The following NLK variants were observed in gnomAD, a reference collection of about 807,000 sequenced individuals.
NLK encodes serine/threonine-protein kinase NLK.
NLK carries 11 observed loss-of-function variants against 59.0 expected under a neutral mutation model. That is an observed-to-expected ratio of 0.19 (90% CI 0.12 to 0.31). The LOEUF is 0.31. Among genes scored for constraint, NLK ranks in the 10% least tolerant of loss-of-function variants. The pLI, the probability that NLK is intolerant of heterozygous loss-of-function variation, is 1.00. For missense variants in NLK, 410 were observed against 661.1 expected (o/e 0.62, Z 4.16); for synonymous variants, 235 against 235.9 (o/e 1.00, Z 0.03).
intron 1 of NLK, among the ~76,000 whole-genome samples, chr17:28,056,727 C>T (rs952355743): frequency 2.0e-5 from 3 of 152,004 alleles, no homozygotes; most frequent in Admixed American, 6.6e-5. Context: ...CATTCTTCCA[C>T]CTATTTTTTG....
chr17:28,149,151 C>A lies in NLK; in HGVS notation c.645-12009C>A, dbSNP rs1597710503. 2.6e-5 allele frequency among the ~76,000 whole-genome samples: 4 copies of A among 152,304 alleles called. No individual in the cohort carries two copies. In the South Asian group the frequency reaches 8.3e-4, roughly 32 times the overall value. On this transcript the variant is annotated intron_variant, in intron 3 of 10. Coordinates refer to ENST00000407008, the MANE Select transcript of NLK (RefSeq NM_016231.5). ...TCAGAGCTCACTGCAGCCTCGAACT[C>A]CTGGGCTTAAACTTAAAATCCTTTC...
intron 4 of NLK, among the ~76,000 whole-genome samples, chr17:28,161,948 C>T (rs1908021752): frequency 6.6e-6 from 1 of 152,052 alleles, no homozygotes; most frequent in African/African-American, 2.4e-5. Flanking sequence ...TTCCCCCTGC[C>T]CCAGAATTCA....
intron 2 of NLK, among the ~76,000 whole-genome samples, chr17:28,131,456 T>C (rs890455825): frequency 1.3e-5 from 2 of 151,854 alleles, no homozygotes; most frequent in Non-Finnish European, 2.9e-5. Flanking sequence ...TTGAGAATTA[T>C]ATAGGGAGAG....
At chr17:28,088,899 CTTCAAA>C (rs1183477583) in intron 1 of NLK, among the ~76,000 whole-genome samples, 1 of 152,148 alleles carries the variant, frequency 6.6e-6, no homozygotes, top group Non-Finnish European at 1.5e-5. Flanking sequence ...CATACTGATA[CTTCAAA>C]TTCAAATGAT....
chr17:28,197,633 T>C (rs528250017), downstream of NLK, among the ~76,000 whole-genome samples: 1 of 152,344 alleles, frequency 6.6e-6, no homozygotes, highest in South Asian at 2.1e-4. Context: ...GACAGGTAAG[T>C]TAGGGCTATA....
At chr17:28,205,624 G>C in the NLK span, among the ~76,000 whole-genome samples, 1 of 152,064 alleles carries the variant, frequency 6.6e-6, no homozygotes, top group Admixed American at 6.6e-5. Context: ...TTTCTTGATG[G>C]ATACTTTTGT....
At chr17:28,113,284 G>C (rs1905605056) in intron 1 of NLK, among the ~76,000 whole-genome samples, 1 of 152,088 alleles carries the variant, frequency 6.6e-6, no homozygotes, top group Non-Finnish European at 1.5e-5. Flanking sequence ...GTGCCCTCTG[G>C]ATCCATACCC....
intron 1 of NLK, among the ~76,000 whole-genome samples, chr17:28,044,536 C>G (rs1436553561): frequency 6.6e-6 from 1 of 152,054 alleles, no homozygotes; most frequent in Admixed American, 6.6e-5. Context: ...CAGCTAGTCC[C>G]CAAGGAAGTT....
In NLK at chr17:28,181,660, A is replaced by G. The variant is rs533570973; in HGVS notation, c.1150-3519A>G. ...CTACAGATACTTGAATGCCAAATAT[A>G]CTGTATGGGTTCTGTGCATATATGT... is the stretch of plus-strand genomic sequence containing the variant. On this transcript the variant is annotated intron_variant, in intron 7 of 10. Coordinates refer to ENST00000407008, the MANE Select transcript of NLK (RefSeq NM_016231.5). 3.3e-5 allele frequency among the ~76,000 whole-genome samples: 5 copies of G among 152,114 alleles called. No homozygotes were observed. The South Asian group carries it at 1.0e-3, about 32-fold the overall frequency.
chr17:28,123,885 A>T (rs1016526316), intron 2 of NLK, among the ~76,000 whole-genome samples: 1 of 152,356 alleles, frequency 6.6e-6, no homozygotes, highest in East Asian at 1.9e-4. Flanking sequence ...CAAATTCTTT[A>T]TATAATACTC....
At chr17:28,114,746 G>C (rs1905686699) in intron 1 of NLK, among the ~76,000 whole-genome samples, 1 of 152,130 alleles carries the variant, frequency 6.6e-6, no homozygotes, top group Non-Finnish European at 1.5e-5. Flanking sequence ...GAGTAGGTTT[G>C]GAGGTTCATC....
At chr17:28,133,487 A>G (rs1316028157) in intron 3 of NLK, among the ~76,000 whole-genome samples, 9 of 152,302 alleles carry the variant, frequency 5.9e-5, no homozygotes, top group Admixed American at 1.3e-4. Flanking sequence ...ATAATAATGA[A>G]CTATAAAATA....
chr17:28,103,035 T>G (rs993730685), intron 1 of NLK, among the ~76,000 whole-genome samples: 31 of 152,180 alleles, frequency 2.0e-4, no homozygotes, highest in Non-Finnish European at 3.5e-4. Flanking sequence ...TTTAACAACC[T>G]TTTGGTAGTA....
intron 2 of NLK, among the ~76,000 whole-genome samples, chr17:28,131,692 GAGCTTGGTATTTCTCATT>G (rs1188380103): frequency 6.6e-6 from 1 of 150,594 alleles, no homozygotes; most frequent in East Asian, 1.9e-4. Flanking sequence ...CATGTCCTTT[GAGCTTGGTATTTCTCATT>G]AGCTTAGCAA....
At chr17:28,139,652 T>C (rs1906903723) in intron 3 of NLK, among the ~76,000 whole-genome samples, 1 of 152,218 alleles carries the variant, frequency 6.6e-6, no homozygotes, top group African/African-American at 2.4e-5. Flanking sequence ...AAATGTAATA[T>C]GTGAGACCCT....
chr17:28,152,951 T>G (rs568406156), intron 3 of NLK, among the ~76,000 whole-genome samples: 159 of 151,978 alleles, frequency 1.0e-3, no homozygotes, highest in Non-Finnish European at 9.7e-4. Context: ...TTTTTATTTT[T>G]TATTTTTTAT....
At chr17:28,088,796 C>G (rs957575081) in intron 1 of NLK, among the ~76,000 whole-genome samples, 7 of 152,132 alleles carry the variant, frequency 4.6e-5, no homozygotes, top group African/African-American at 1.7e-4. Context: ...CCAAGGTTCC[C>G]TTGGCACTAG....
chr17:28,105,841 T>G (rs529853609), intron 1 of NLK, among the ~76,000 whole-genome samples: 12 of 152,314 alleles, frequency 7.9e-5, no homozygotes, highest in Non-Finnish European at 1.6e-4. Flanking sequence ...AGAGTCGTTC[T>G]CCTCCCTGCA....
At chr17:28,113,329 A>C (rs1239656901) in intron 1 of NLK, among the ~76,000 whole-genome samples, 3 of 152,190 alleles carry the variant, frequency 2.0e-5, no homozygotes, top group Non-Finnish European at 4.4e-5. Flanking sequence ...ACAAGAAAAA[A>C]TTGGGGCAAG....
Sources: gnomAD v4.1 joint callset for allele counts (sites outside exome capture counted in the v4.1 genomes callset) on GRCh38, gnomAD v4.1.1 for gene constraint, MANE v1.5 for transcripts, NCBI Gene and HGNC (gene_info 2026-07-23, HGNC 2026-07-21) for gene names.